Variants in ZBTB7C observed in about 807,000 individuals in gnomAD.
The protein encoded by ZBTB7C is zinc finger and BTB domain containing 7C.
A neutral mutation model predicts 25.7 loss-of-function variants in ZBTB7C; 8 were observed. That is an observed-to-expected ratio of 0.31 (90% CI 0.18 to 0.56). The LOEUF is 0.56. ZBTB7C is among the 20% of genes least tolerant of loss of function. The pLI, the probability that ZBTB7C is intolerant of heterozygous loss-of-function variation, is 0.91. For synonymous variants in ZBTB7C, 394 were observed against 369.0 expected (o/e 1.07, Z -0.78); for missense variants, 824 against 855.2 (o/e 0.96, Z 0.46).
At chr18:48,050,414 G>A (rs1167341891) in intron 3 of ZBTB7C, among the ~76,000 whole-genome samples, 2 of 152,196 alleles carry the variant, frequency 1.3e-5, no homozygotes, top group African/African-American at 2.4e-5. Flanking sequence ...ACCCCAGGCA[G>A]AGCGCCCACA....
chr18:48,304,959 C>A lies in ZBTB7C; in HGVS notation c.-79+33215G>T, dbSNP rs548913368. 4.6e-5 allele frequency among the ~76,000 whole-genome samples: 7 copies of A among 152,018 alleles called. No individual in the cohort carries two copies. In the East Asian group the frequency reaches 1.2e-3, roughly 25 times the overall value. Reference sequence around the variant, plus strand: ...TCCTACTAGTGCTGAACAGGCCTGACTCTGCAGGGAGGGCTGAGGTGCCTC... The same window carrying A: ...TCCTACTAGTGCTGAACAGGCCTGAATCTGCAGGGAGGGCTGAGGTGCCTC... On this transcript the variant is annotated intron_variant, in intron 2 of 4. Transcript: ENST00000590800.
intron 3 of ZBTB7C, chr18:48,148,631 C>T (rs1205138729): frequency 6.6e-6 from 1 of 152,038 alleles, no homozygotes; most frequent in Non-Finnish European, 1.5e-5. Context: ...ATTTTGGGAA[C>T]TTCAGGAAGA....
At chr18:48,221,863 C>CCCTCTATGCTGTCCTAGTCT (rs1568312177) in intron 2 of ZBTB7C, among the ~76,000 whole-genome samples, 8 of 102,874 alleles carry the variant, frequency 7.8e-5, no homozygotes, top group Admixed American at 3.8e-4. Flanking sequence ...GTCCTAGTCT[C>CCCTCTATGCTGTCCTAGTCT]CCTCTATACT....
At chr18:48,306,928 T>C (rs2045689460) in intron 2 of ZBTB7C, among the ~76,000 whole-genome samples, 1 of 152,130 alleles carries the variant, frequency 6.6e-6, no homozygotes. Context: ...AGTGTAAAAA[T>C]GTTAGCCAGT....
In ZBTB7C at chr18:48,028,758, C is replaced by G. The variant is rs1337690395; in HGVS notation, c.*502G>C. 1 of 153,570 alleles carries G rather than the reference C, an allele frequency of 6.5e-6. No homozygotes were observed. Among genetic ancestry groups the G allele is most frequent in the Non-Finnish European group, 1.4e-5 (1 of 69,212 alleles). The allele number at this position is 153,570 out of a possible 1,614,324, so 9.5% of individuals were successfully genotyped here. The stretch of plus-strand genomic sequence containing the variant: ...CAACAGAGCATTTCTTTCTATGTGG[C>G]AGGTGGGTAGTTCTCAAAAAGACCC... On this transcript the variant is annotated 3_prime_UTR_variant, in exon 5 of 5. Transcript: ENST00000590800.
intron 3 of ZBTB7C, chr18:48,148,893 G>A (rs2040580205): frequency 6.6e-6 from 1 of 152,220 alleles, no homozygotes; most frequent in African/African-American, 2.4e-5. Context: ...ATCCAAAAGA[G>A]GAGTGGCTGT....
At chr18:48,189,615 T>C (rs951842957) in intron 2 of ZBTB7C, among the ~76,000 whole-genome samples, 2 of 152,110 alleles carry the variant, frequency 1.3e-5, no homozygotes, top group African/African-American at 4.8e-5. Flanking sequence ...AGTTGCTGCC[T>C]CTCCCCCACC....
chr18:48,215,238 C>G (rs536178208), intron 2 of ZBTB7C, among the ~76,000 whole-genome samples: 16 of 152,288 alleles, frequency 1.1e-4, no homozygotes, highest in African/African-American at 3.6e-4. Context: ...AGACTCCTCT[C>G]CATAGCATCC....
intron 2 of ZBTB7C, among the ~76,000 whole-genome samples, chr18:48,194,666 C>T (rs1171640724): frequency 6.6e-6 from 1 of 152,136 alleles, no homozygotes; most frequent in African/African-American, 2.4e-5. Context: ...GGCCCAGCAT[C>T]ACCAGGGCAG....
chr18:48,081,223 C>T (rs1291722851), intron 3 of ZBTB7C, among the ~76,000 whole-genome samples: 1 of 152,150 alleles, frequency 6.6e-6, no homozygotes, highest in African/African-American at 2.4e-5. Context: ...GCCAAACTTC[C>T]AGGGAGGCTT....
chr18:48,140,989 C>G (rs1274426354), intron 3 of ZBTB7C, among the ~76,000 whole-genome samples: 1 of 152,236 alleles, frequency 6.6e-6, no homozygotes, highest in Non-Finnish European at 1.5e-5. Context: ...CCCAACGCCA[C>G]ACGACTGCCA....
intron 3 of ZBTB7C, among the ~76,000 whole-genome samples, chr18:48,081,436 C>A (rs998997662): frequency 1.3e-5 from 2 of 149,444 alleles, no homozygotes; most frequent in African/African-American, 4.9e-5. Context: ...TAAATGATTT[C>A]TTTTTTCTTT....
chr18:48,228,908 C>A, intron 2 of ZBTB7C, among the ~76,000 whole-genome samples: 1 of 152,044 alleles, frequency 6.6e-6, no homozygotes, highest in African/African-American at 2.4e-5. Context: ...TTTCTGTTCC[C>A]TTCTCTCTTC....
intron 2 of ZBTB7C, among the ~76,000 whole-genome samples, chr18:48,213,428 T>C (rs903419326): frequency 3.3e-5 from 5 of 151,840 alleles, no homozygotes; most frequent in South Asian, 2.1e-4. Flanking sequence ...TGCACTTGCA[T>C]TGAGTGGGAC....
chr18:48,043,767 C>T (rs879865355), intron 3 of ZBTB7C, among the ~76,000 whole-genome samples: 3 of 152,206 alleles, frequency 2.0e-5, no homozygotes, highest in African/African-American at 7.2e-5. Context: ...TCTGTATCAT[C>T]TCTTACAACT....
chr18:48,386,543 C>T (rs1393729259), intron 1 of ZBTB7C, among the ~76,000 whole-genome samples: 1 of 152,206 alleles, frequency 6.6e-6, no homozygotes, highest in Non-Finnish European at 1.5e-5. Flanking sequence ...TCAAACCACA[C>T]ATCAGAGCCA....
chr18:48,137,159 A>G, intron 3 of ZBTB7C: 1 of 985,424 alleles, frequency 1.0e-6, no homozygotes, highest in South Asian at 4.7e-5. Flanking sequence ...GAGTTAAGCC[A>G]TTCCAGGAGT....
intron 3 of ZBTB7C, among the ~76,000 whole-genome samples, chr18:48,113,938 C>T (rs1202967015): frequency 6.6e-6 from 1 of 152,222 alleles, no homozygotes; most frequent in African/African-American, 2.4e-5. Flanking sequence ...CCCATTCACT[C>T]TGTGTCTCCA....
At chr18:48,272,651 A>G (rs1598748889) in intron 2 of ZBTB7C, among the ~76,000 whole-genome samples, 2 of 152,350 alleles carry the variant, frequency 1.3e-5, no homozygotes, top group Admixed American at 1.3e-4. Context: ...TTTCACTCCT[A>G]GGTATAGACC....
Sources: allele counts gnomAD v4.1 joint callset (sites outside exome capture counted in the v4.1 genomes callset), GRCh38; gene constraint gnomAD v4.1.1; transcripts MANE v1.5; gene names NCBI Gene and HGNC (gene_info 2026-07-23, HGNC 2026-07-21).